Variants in GPSM2 observed in about 807,000 individuals in gnomAD.
GPSM2 encodes the protein G protein-signaling modulator 2.
In GPSM2, 58 loss-of-function variants were observed where a neutral mutation model predicts 78.4. That is an observed-to-expected ratio of 0.74 (90% confidence interval 0.60 to 0.92). The LOEUF (loss-of-function observed/expected upper bound fraction) is 0.92. Among genes scored for constraint, GPSM2 ranks in the 40% least tolerant of loss-of-function variants. The probability of loss-of-function intolerance (pLI) is 0.00; values close to 1 mark genes in which losing one functional copy is unlikely to be tolerated. For missense variants in GPSM2, 700 were observed against 815.5 expected (o/e 0.86, Z 1.73); for synonymous variants, 224 against 280.2 (o/e 0.80, Z 2.00).
chr1:108,878,788 G>C (rs1233892726), intron 1 of GPSM2, among the ~76,000 whole-genome samples: 1 of 152,190 alleles, frequency 6.6e-6, no homozygotes, highest in Non-Finnish European at 1.5e-5. Context: ...GCCAGGTGCT[G>C]GGTCAGGTGC....
Position 108,925,624 on chromosome 1 carries a change from C to T in GPSM2, c.1815+1410C>T, listed in dbSNP as rs188627881. ...GGCAAATGTTGCTAAGAACCTGAGTCAGATGATGACGGAACTACTAGATTT... is the reference window on the plus strand; with the variant it reads ...GGCAAATGTTGCTAAGAACCTGAGTTAGATGATGACGGAACTACTAGATTT... On this transcript the variant is annotated intron_variant, in intron 14 of 14. Transcript: ENST00000264126. Among the ~76,000 whole-genome samples, 3 of 152,070 alleles carry T rather than the reference C, an allele frequency of 2.0e-5. No individual in the cohort carries two copies. In the East Asian group the frequency reaches 5.8e-4, roughly 29 times the overall value.
At chr1:108,903,992 T>A in intron 9 of GPSM2, 133 bp from the exon 10 acceptor site, 1 of 680,506 alleles carries the variant, frequency 1.5e-6, no homozygotes, top group South Asian at 1.8e-5. Context: ...TCATTCATAG[T>A]CTCATAATTC....
At chr1:108,895,661 G>C (rs1316408815) in intron 2 of GPSM2, among the ~76,000 whole-genome samples, 1 of 152,136 alleles carries the variant, frequency 6.6e-6, no homozygotes, top group Non-Finnish European at 1.5e-5. Flanking sequence ...ACTGTCTCCA[G>C]TCACACCCAG....
At chr1:108,902,442 A>T (rs1020664366) in intron 8 of GPSM2, among the ~76,000 whole-genome samples, 10 of 151,862 alleles carry the variant, frequency 6.6e-5, no homozygotes, top group Non-Finnish European at 1.2e-4. Context: ...GAACTTAGAG[A>T]TAATGTCCAG....
chr1:108,920,104 T>C (rs1462510092), intron 12 of GPSM2, among the ~76,000 whole-genome samples: 3 of 152,020 alleles, frequency 2.0e-5, no homozygotes, highest in Admixed American at 2.0e-4. Flanking sequence ...GAGGCAGAGG[T>C]TGCAGTGAGC....
chr1:108,925,901 T>C lies in GPSM2; in HGVS notation c.1815+1687T>C, dbSNP rs542982906. Among the ~76,000 whole-genome samples, 3 of 151,844 alleles carry C rather than the reference T, an allele frequency of 2.0e-5. No homozygotes were observed. In the East Asian group the frequency reaches 5.8e-4, roughly 29 times the overall value. On this transcript the variant is annotated intron_variant, in intron 14 of 14. Transcript: ENST00000264126. The stretch of plus-strand genomic sequence containing the variant: ...TGGTCAAGTAGAGAAGAGTCAGTGA[T>C]GTAGGTAAGTCTGGGGTAACTGAAG...
chr1:108,882,279 A>G (rs59076670), intron 1 of GPSM2, among the ~76,000 whole-genome samples: 8,164 of 152,248 alleles, frequency 0.054, 256 homozygotes, highest in African/African-American at 0.09. Flanking sequence ...TAATATCAGT[A>G]TCTGTGGGGA....
At chr1:108,924,456 TAG>T (rs989874013) in intron 14 of GPSM2, 39 of 548,574 alleles carry the variant, frequency 7.1e-5, no homozygotes, top group Middle Eastern at 5.0e-4. Context: ...TGTATATATA[TAG>T]AGAGAGAGTA....
At position 108,924,172 on chromosome 1, in the gene GPSM2, A is replaced by G. The variant is rs752060692; in HGVS notation, c.1773A>G (p.Lys591=). The stretch of plus-strand genomic sequence containing the variant: ...GCCACCTGATGACTAATGACAACAA[A>G]GAGGCTGATGAAGATTTCTTTGACA... The part of the protein sequence containing the change: ...VLSHLMTNDN[K]EADEDFFDIL... The change falls in exon 14 of 15, where the codon AAA becomes AAG. Residue 591 remains lysine (K), a synonymous_variant. Coordinates refer to ENST00000264126, the MANE Select transcript of GPSM2 (RefSeq NM_013296.5). 6.2e-7 allele frequency: 1 copy of G among 1,613,962 alleles called. No homozygotes were observed. Among genetic ancestry groups the G allele is most frequent in the Admixed American group, 1.7e-5 (1 of 60,022 alleles).
chr1:108,899,429 A>G (rs939635440), intron 7 of GPSM2, among the ~76,000 whole-genome samples: 2 of 152,200 alleles, frequency 1.3e-5, no homozygotes, highest in Non-Finnish European at 2.9e-5. Flanking sequence ...AAATATTTAT[A>G]GTCTATACCA....
intron 8 of GPSM2, among the ~76,000 whole-genome samples, chr1:108,902,472 AC>A (rs894218300): frequency 2.0e-5 from 3 of 152,050 alleles, no homozygotes; most frequent in African/African-American, 7.2e-5. Flanking sequence ...GGCAACTGCT[AC>A]CCAACTCCAA....
At position 108,897,986 on chromosome 1, in the gene GPSM2, C is replaced by T. The variant is rs771623271; in HGVS notation, c.442C>T (p.Leu148Phe). ...GGGAGAAGCAAGAGCACTTTACAAT[C>T]TTGGGAATGTGTATCATGCCAAAGG... ...KVGEARALYN[L>F]GNVYHAKGKS... Residue 148 changes from leucine (L) to phenylalanine (F), a missense_variant, in exon 5 of 15, where the codon CTT (leucine) becomes TTT (phenylalanine). Physicochemically the swap from Leu to Phe is conservative, Grantham distance 22. Transcript: ENST00000264126. The T allele has an allele frequency of 2.5e-6, 4 of 1,613,942 alleles. No homozygotes were observed. Among genetic ancestry groups the T allele is most frequent in the Non-Finnish European group, 2.5e-6 (3 of 1,179,840 alleles).
Position 108,914,409 on chromosome 1 carries a change from G to T in GPSM2, c.1263+1G>T, listed in dbSNP as rs754331657. 1 of 1,597,088 alleles carries T rather than the reference G, an allele frequency of 6.3e-7. No individual in the cohort carries two copies. The highest frequency in any genetic ancestry group is 1.3e-5 in the African/African-American group (1 of 74,718). On this transcript the variant is annotated splice_donor_variant, in intron 11 of 14. Coordinates refer to ENST00000264126, the MANE Select transcript of GPSM2 (RefSeq NM_013296.5). LOFTEE classifies it high-confidence loss of function. ...ACTTATGAAGTTAACACCAGAAAAG[G>T]TGGGTGGCAGGTTTTATGTTTTAAA...
intron 10 of GPSM2, 66 bp from the exon 11 acceptor site, chr1:108,914,272 A>G: frequency 1.9e-6 from 2 of 1,027,446 alleles, no homozygotes; most frequent in Non-Finnish European, 1.5e-6. Flanking sequence ...TGAATAATGT[A>G]ATGATGCTGA....
rs375628690 is a variant in GPSM2 at position 108,883,213 on chromosome 1, A to G, written c.-248-2062A>G. The stretch of plus-strand genomic sequence containing the variant: ...ATTTCCTCTTGGAAACTTCATCAGT[A>G]TTCCCAAGGCTGTTTCTTTCTACCT... On this transcript the variant is annotated intron_variant, in intron 1 of 14. Coordinates refer to ENST00000264126, the MANE Select transcript of GPSM2 (RefSeq NM_013296.5). 1.7e-3 allele frequency among the ~76,000 whole-genome samples: 263 copies of G among 152,384 alleles called. 1 individual carries two copies. Among genetic ancestry groups the G allele is most frequent in the African/African-American group, 5.9e-3 (246 of 41,592 alleles).
At chr1:108,898,219 G>A in intron 5 of GPSM2, 118 bp downstream of exon 5, 1 of 946,658 alleles carries the variant, frequency 1.1e-6, no homozygotes, top group South Asian at 1.4e-5. Context: ...TTATGAACTA[G>A]CAAAATCATC....
chr1:108,885,184 GT>G (rs1647433738), intron 1 of GPSM2, 90 bp from the exon 2 acceptor site: 1 of 198,380 alleles, frequency 5.0e-6, no homozygotes, highest in Non-Finnish European at 1.0e-5. Flanking sequence ...AGTCTGCAGA[GT>G]TAGCTTGTGA....
rs1570910185 is a variant in GPSM2 at position 108,901,943 on chromosome 1, T to C, written c.951T>C (p.Asp317=). 2 of 1,604,414 alleles carry C rather than the reference T, an allele frequency of 1.2e-6. No individual in the cohort carries two copies. Among genetic ancestry groups the C allele is most frequent in the East Asian group, 2.2e-5 (1 of 44,812 alleles). The change falls in exon 8 of 15, where the codon GAT becomes GAC. Residue 317 remains aspartate (D), a splice_region_variant and synonymous_variant. Coordinates refer to ENST00000264126, the MANE Select transcript of GPSM2 (RefSeq NM_013296.5). ...KHLAIAQELN[D]RIGEGRACWS... Reference sequence around the variant, plus strand: ...TAGCAATTGCTCAAGAGCTGAATGATAGGTATGTTTTACGTCTTTTTACCA... The same window carrying C: ...TAGCAATTGCTCAAGAGCTGAATGACAGGTATGTTTTACGTCTTTTTACCA...
chr1:108,925,788 C>T (rs1234234412), intron 14 of GPSM2, among the ~76,000 whole-genome samples: 1 of 151,050 alleles, frequency 6.6e-6, no homozygotes, highest in Non-Finnish European at 1.5e-5. Flanking sequence ...GTTAAATGGA[C>T]CATTAGCTAG....
Sources: allele counts gnomAD v4.1 joint callset (sites outside exome capture counted in the v4.1 genomes callset), GRCh38; gene constraint gnomAD v4.1.1; transcripts MANE v1.5; gene names NCBI Gene and HGNC (gene_info 2026-07-23, HGNC 2026-07-21).